The following EFHD1 variants were observed in gnomAD, a reference collection of about 807,000 sequenced individuals.
EFHD1 encodes EF-hand domain-containing protein D1.
In EFHD1, 10 loss-of-function variants were observed where a neutral mutation model predicts 17.2. The observed-to-expected ratio is 0.58, with a 90% CI of 0.36 to 0.99. The LOEUF (loss-of-function observed/expected upper bound fraction) is 0.99, where lower values mean the gene tolerates loss of function less well. Among genes scored for constraint, EFHD1 ranks in the 50% least tolerant of loss-of-function variants. The pLI is 0.01. For synonymous variants in EFHD1, 153 were observed against 142.0 expected, an observed-to-expected ratio of 1.08 and a Z score of -0.55; for missense variants, 310 against 327.5, an observed-to-expected ratio of 0.95 and a Z score of 0.41.
intron 2 of EFHD1, among the ~76,000 whole-genome samples, chr2:232,664,513 G>C (rs751587045): frequency 6.6e-6 from 1 of 151,586 alleles, no homozygotes; most frequent in Non-Finnish European, 1.5e-5. Context: ...TGCCCAGGCT[G>C]GTCTCAAACT....
At chr2:232,666,537 G>T (rs545369579) in intron 2 of EFHD1, among the ~76,000 whole-genome samples, 1 of 152,316 alleles carries the variant, frequency 6.6e-6, no homozygotes, top group Non-Finnish European at 1.5e-5. Flanking sequence ...CTTCTGCCCT[G>T]TTGTACTCAG....
chr2:232,644,511 C>A (rs2106199856), intron 1 of EFHD1, among the ~76,000 whole-genome samples: 1 of 150,762 alleles, frequency 6.6e-6, no homozygotes, highest in African/African-American at 2.4e-5. Flanking sequence ...TCTTTTTTTT[C>A]AATTTTTTTT....
intron 1 of EFHD1, among the ~76,000 whole-genome samples, chr2:232,645,024 T>C (rs967051690): frequency 1.3e-5 from 2 of 150,316 alleles, no homozygotes; most frequent in African/African-American, 4.9e-5. Context: ...CAAGTGATCC[T>C]CCTGCCTCAG....
At chr2:232,613,489 C>T (rs1309558082) in intron 1 of EFHD1, among the ~76,000 whole-genome samples, 3 of 152,020 alleles carry the variant, frequency 2.0e-5, no homozygotes, top group African/African-American at 7.3e-5. Flanking sequence ...AGCAGCTTTA[C>T]TAGTAACAGC....
rs1010169246 is a variant in EFHD1 at position 232,633,776 on chromosome 2, C to T, written c.72C>T (p.Pro24=). Residue 24 remains proline (P), a synonymous_variant, in exon 1 of 4, where the codon CCC becomes CCT. Coordinates refer to ENST00000264059, the MANE Select transcript of EFHD1 (RefSeq NM_025202.4). ...LRREEAEESG[P]QLAPLGAPAP... is the part of the protein sequence containing the mutation. Reference sequence around the variant, plus strand: ...GCGAGGAGGCCGAGGAGAGTGGCCCCCAGCTGGCTCCCCTCGGCGCCCCAG... The same window carrying T: ...GCGAGGAGGCCGAGGAGAGTGGCCCTCAGCTGGCTCCCCTCGGCGCCCCAG... The T allele has an allele frequency of 9.6e-6, 14 of 1,461,426 alleles. No homozygotes were observed. The highest frequency in any genetic ancestry group is 2.6e-5 in the Admixed American group (1 of 38,754). The allele number at this position is 1,461,426 out of a possible 1,614,324, so 90.5% of individuals were successfully genotyped here.
chr2:232,679,717 TAAA>T (rs34960766), intron 3 of EFHD1, among the ~76,000 whole-genome samples: 60 of 109,638 alleles, frequency 5.5e-4, no homozygotes, highest in African/African-American at 1.8e-3. Flanking sequence ...AAGACGTTTC[TAAA>T]AAAAAAAAAA....
chr2:232,637,636 G>A (rs536075481), intron 1 of EFHD1, among the ~76,000 whole-genome samples: 2 of 152,092 alleles, frequency 1.3e-5, no homozygotes, highest in Non-Finnish European at 2.9e-5. Flanking sequence ...GAGCCACCGC[G>A]CCTGGCTTAA....
chr2:232,647,256 G>T (rs1238827115), intron 1 of EFHD1, among the ~76,000 whole-genome samples: 2 of 152,248 alleles, frequency 1.3e-5, no homozygotes, highest in African/African-American at 4.8e-5. Flanking sequence ...AAAAGGTCCT[G>T]CTGGCAGCAG....
At chr2:232,633,448 G>C, upstream of EFHD1, 1 of 1,220,532 alleles carries the variant, frequency 8.2e-7, no homozygotes, top group Non-Finnish European at 1.0e-6. Flanking sequence ...CGGGGTCTCC[G>C]GGACGCGCAG....
intron 1 of EFHD1, among the ~76,000 whole-genome samples, chr2:232,651,824 A>AAAACAAAC (rs34755199): frequency 6.6e-6 from 1 of 151,536 alleles, no homozygotes; most frequent in Admixed American, 6.6e-5. Context: ...TCCATCTCAA[A>AAAACAAAC]AAACAAACAA....
In EFHD1 at chr2:232,672,311, C is replaced by T. The variant is rs1424467885; in HGVS notation, c.453C>T (p.Phe151=). 1 of 1,614,172 alleles carries T rather than the reference C, an allele frequency of 6.2e-7. No homozygotes were observed. The highest frequency in any genetic ancestry group is 1.1e-5 in the South Asian group (1 of 91,076). The change falls in exon 3 of 4, where the codon TTC becomes TTT. Residue 151 remains phenylalanine (F), a splice_region_variant and synonymous_variant. Coordinates refer to ENST00000264059, the MANE Select transcript of EFHD1 (RefSeq NM_025202.4). Reference sequence around the variant, plus strand: ...TCCCTACTTTCTTTCCCCTGTAGTTCCTGCTCATTTTCCACAAGGCCGCGG... The same window carrying T: ...TCCCTACTTTCTTTCCCCTGTAGTTTCTGCTCATTTTCCACAAGGCCGCGG... ...DFDGKLSFRE[F]LLIFHKAAAG... is the part of the protein sequence containing the mutation.
In EFHD1 at chr2:232,644,501, T is replaced by C. The variant is rs528945900; in HGVS notation, c.302+10495T>C. ...GGGGTGTTCAGGGCTGGTTTTCTTT[T>C]CTTTTTTTTCAATTTTTTTTTTTAT... is the stretch of plus-strand genomic sequence containing the variant. On this transcript the variant is annotated intron_variant, in intron 1 of 3. Coordinates refer to ENST00000264059, the MANE Select transcript of EFHD1 (RefSeq NM_025202.4). Among the ~76,000 whole-genome samples, 5 of 151,934 alleles carry C rather than the reference T, an allele frequency of 3.3e-5. No homozygotes were observed. The South Asian group carries it at 1.0e-3, about 32-fold the overall frequency.
intron 1 of EFHD1, among the ~76,000 whole-genome samples, chr2:232,648,048 T>C (rs1694567067): frequency 6.6e-6 from 1 of 152,170 alleles, no homozygotes; most frequent in Non-Finnish European, 1.5e-5. Context: ...AAGACCAGCC[T>C]GAGCAACATG....
chr2:232,622,592 G>T (rs148150670), intron 1 of EFHD1, among the ~76,000 whole-genome samples: 1 of 151,794 alleles, frequency 6.6e-6, no homozygotes, highest in Non-Finnish European at 1.5e-5. Context: ...GAACACCTTG[G>T]TGAGAGGTGA....
At chr2:232,675,198 AAAAG>A (rs1360444428) in intron 3 of EFHD1, among the ~76,000 whole-genome samples, 5 of 141,996 alleles carry the variant, frequency 3.5e-5, no homozygotes, top group Non-Finnish European at 6.0e-5. Flanking sequence ...AGAGAGAGAG[AAAAG>A]AAAGGAAGGA....
chr2:232,616,553 C>A (rs1693932128), intron 1 of EFHD1, among the ~76,000 whole-genome samples: 1 of 152,192 alleles, frequency 6.6e-6, no homozygotes, highest in Non-Finnish European at 1.5e-5. Flanking sequence ...CCCACCTCGG[C>A]CTCCCAAAGT....
At chr2:232,613,633 T>A (rs62191597) in intron 1 of EFHD1, among the ~76,000 whole-genome samples, 6,152 of 99,946 alleles carry the variant, frequency 0.062, 140 homozygotes, top group South Asian at 0.11. Flanking sequence ...CACACACACA[T>A]ATACACACAC....
In EFHD1 at chr2:232,647,358, C is replaced by T. The variant is rs546624320; in HGVS notation, c.302+13352C>T. Among the ~76,000 whole-genome samples the T allele has an allele frequency of 1.4e-4, 22 of 152,368 alleles. No individual in the cohort carries two copies. The South Asian group carries it at 2.1e-3, about 14-fold the overall frequency. On this transcript the variant is annotated intron_variant, in intron 1 of 3. Coordinates refer to ENST00000264059, the MANE Select transcript of EFHD1 (RefSeq NM_025202.4). Reference sequence around the variant, plus strand: ...GGTGATGGCCTGGCGCCCTGTAGTCCGCTTGCGTTGGGCTGGCTGCCCTGG... The same window carrying T: ...GGTGATGGCCTGGCGCCCTGTAGTCTGCTTGCGTTGGGCTGGCTGCCCTGG...
chr2:232,638,232 G>T (rs1053639956), intron 1 of EFHD1: 16 of 415,512 alleles, frequency 3.9e-5, no homozygotes, highest in Middle Eastern at 3.7e-4. Flanking sequence ...TTATCTGGAG[G>T]CCTCTTTCAA....
Sources: gnomAD v4.1 joint callset for allele counts (sites outside exome capture counted in the v4.1 genomes callset) on GRCh38, gnomAD v4.1.1 for gene constraint, MANE v1.5 for transcripts, NCBI Gene and HGNC (gene_info 2026-07-23, HGNC 2026-07-21) for gene names.